Variants in PLXDC2 observed in about 807,000 individuals in gnomAD.
The protein encoded by PLXDC2 is plexin domain containing 2.
In PLXDC2, 40 loss-of-function variants were observed where a neutral mutation model predicts 68.9. That is an observed-to-expected ratio of 0.58 (90% CI 0.45 to 0.76). The LOEUF is 0.76. PLXDC2 is among the 30% of genes least tolerant of loss of function. The pLI is 0.00. For missense variants in PLXDC2, 644 were observed against 661.9 expected (o/e 0.97, Z 0.30); for synonymous variants, 243 against 234.2 (o/e 1.04, Z -0.34).
At chr10:19,996,093 G>T (rs1040998678) in intron 1 of PLXDC2, among the ~76,000 whole-genome samples, 1 of 152,066 alleles carries the variant, frequency 6.6e-6, no homozygotes, top group East Asian at 1.9e-4. Context: ...AATTTGTAAG[G>T]TGTCTCTGGT....
rs566182039 is a variant in PLXDC2, at chr10:19,867,895, A to G, written c.112+50704A>G. ...AGGAGAGCCTCTCTGAAATTTGGTTATTTGTTGTCAACATTAATAAATACA... is the reference window on the plus strand; with the variant it reads ...AGGAGAGCCTCTCTGAAATTTGGTTGTTTGTTGTCAACATTAATAAATACA... On this transcript the variant is annotated intron_variant, in intron 1 of 13. Transcript: ENST00000377252. Among the ~76,000 whole-genome samples the G allele has an allele frequency of 2.0e-5, 3 of 152,290 alleles. No homozygotes were observed. The East Asian group carries it at 5.8e-4, about 29-fold the overall frequency.
At chr10:20,169,593 T>C (rs1834419563) in intron 7 of PLXDC2, among the ~76,000 whole-genome samples, 1 of 152,194 alleles carries the variant, frequency 6.6e-6, no homozygotes, top group South Asian at 2.1e-4. Context: ...TGTAACATTT[T>C]GAATTTCAAT....
intron 7 of PLXDC2, among the ~76,000 whole-genome samples, chr10:20,171,698 A>G (rs997473016): frequency 6.6e-6 from 1 of 152,180 alleles, no homozygotes; most frequent in African/African-American, 2.4e-5. Flanking sequence ...ATTTTTATGA[A>G]CAGGGAAGGC....
chr10:19,866,955 G>C (rs935023413), intron 1 of PLXDC2, among the ~76,000 whole-genome samples: 1 of 151,860 alleles, frequency 6.6e-6, no homozygotes, highest in African/African-American at 2.4e-5. Flanking sequence ...GGGGTCAGCA[G>C]AAAAGAATAT....
chr10:20,278,992 T>C (rs1031058682), intron 13 of PLXDC2, among the ~76,000 whole-genome samples: 2 of 152,160 alleles, frequency 1.3e-5, no homozygotes, highest in African/African-American at 4.8e-5. Flanking sequence ...GAAGAAATGC[T>C]CTCTTTTTGT....
At chr10:20,014,415 CTTCCTTCCTTCCTTCT>C (rs1564657070) in intron 2 of PLXDC2, among the ~76,000 whole-genome samples, 3 of 105,972 alleles carry the variant, frequency 2.8e-5, no homozygotes, top group Admixed American at 1.0e-4. Context: ...TCCTTCCTTC[CTTCCTTCCTTCCTTCT>C]TTCCTTCCTT....
At chr10:19,868,374 C>A (rs1448495614) in intron 1 of PLXDC2, among the ~76,000 whole-genome samples, 1 of 152,110 alleles carries the variant, frequency 6.6e-6, no homozygotes, top group Non-Finnish European at 1.5e-5. Flanking sequence ...GATTTGGAAG[C>A]TTAGTCTAGT....
At chr10:19,963,530 C>G (rs1319777398) in intron 1 of PLXDC2, among the ~76,000 whole-genome samples, 2 of 152,124 alleles carry the variant, frequency 1.3e-5, no homozygotes, top group Admixed American at 6.5e-5. Flanking sequence ...AATTCATGTC[C>G]TTTGTAGGGG....
intron 12 of PLXDC2, among the ~76,000 whole-genome samples, chr10:20,238,864 G>A (rs2119322344): frequency 6.6e-6 from 1 of 151,092 alleles, no homozygotes. Flanking sequence ...ATATTGATCT[G>A]CATTTCATAA....
chr10:19,911,205 C>G (rs1211179793), intron 1 of PLXDC2, among the ~76,000 whole-genome samples: 1 of 151,590 alleles, frequency 6.6e-6, no homozygotes, highest in African/African-American at 2.4e-5. Flanking sequence ...AGTGTGTATG[C>G]TCAAAAACTA....
chr10:19,939,019 G>A (rs898600684), intron 1 of PLXDC2, among the ~76,000 whole-genome samples: 1 of 152,202 alleles, frequency 6.6e-6, no homozygotes, highest in African/African-American at 2.4e-5. Flanking sequence ...GAACTTCAGA[G>A]CCAGTTGTAT....
At chr10:20,240,952 A>G (rs1835508066) in intron 12 of PLXDC2, among the ~76,000 whole-genome samples, 1 of 152,164 alleles carries the variant, frequency 6.6e-6, no homozygotes, top group South Asian at 2.1e-4. Flanking sequence ...AGATCTCTAA[A>G]TATTTATTTT....
rs138710786 is a variant in PLXDC2, at chr10:20,223,399, G to A, written c.1312+4297G>A. On this transcript the variant is annotated intron_variant, in intron 12 of 13. Transcript: ENST00000377252. ...GCGAACTTGGCTCACTGCAGCCTCT[G>A]CCTCCTGGGTTCAAGCGATTCTCCT... is the stretch of plus-strand genomic sequence containing the variant. 9.9e-4 allele frequency among the ~76,000 whole-genome samples: 146 copies of A among 147,050 alleles called. 1 individual carries two copies. Among genetic ancestry groups the A allele is most frequent in the African/African-American group, 3.6e-3 (144 of 39,842 alleles).
In PLXDC2 at chr10:20,266,317, A is replaced by T. The variant is rs371338728; in HGVS notation, c.1474-13386A>T. Among the ~76,000 whole-genome samples the T allele has an allele frequency of 4.6e-5, 7 of 152,122 alleles. No individual in the cohort carries two copies. In the South Asian group the frequency reaches 8.3e-4, roughly 18 times the overall value. ...TCAAAGGCAGATTAAGATTATCAAT[A>T]TATTTATAGTGACTAACCCAAATGT... On this transcript the variant is annotated intron_variant, in intron 13 of 13. Coordinates refer to ENST00000377252, the MANE Select transcript of PLXDC2 (RefSeq NM_032812.9).
Position 20,052,663 on chromosome 10 carries a change from T to A in PLXDC2, c.471+5648T>A, listed in dbSNP as rs1835923267. On this transcript the variant is annotated intron_variant, in intron 3 of 13. Coordinates refer to ENST00000377252, the MANE Select transcript of PLXDC2 (RefSeq NM_032812.9). ...GGGGAAGAAGGGAGTTTCTCGAATC[T>A]TATCAGCAGTTCATGTAATTTGCAT... 2.0e-5 allele frequency among the ~76,000 whole-genome samples: 3 copies of A among 149,822 alleles called. No individual in the cohort carries two copies. The South Asian group carries it at 6.3e-4, about 31-fold the overall frequency.
At chr10:20,126,489 C>A (rs1233135052) in intron 4 of PLXDC2, among the ~76,000 whole-genome samples, 1 of 44,988 alleles carries the variant, frequency 2.2e-5, no homozygotes, top group Non-Finnish European at 5.9e-5. Context: ...ATATAACACA[C>A]ACGTTATATA....
intron 4 of PLXDC2, among the ~76,000 whole-genome samples, chr10:20,094,834 C>T (rs186587068): frequency 2.6e-5 from 4 of 152,240 alleles, no homozygotes; most frequent in East Asian, 3.9e-4. Context: ...GTCATGCTAA[C>T]GAACTGCAAG....
At chr10:20,226,909 A>G (rs527945350) in intron 12 of PLXDC2, among the ~76,000 whole-genome samples, 105 of 151,834 alleles carry the variant, frequency 6.9e-4, no homozygotes, top group Non-Finnish European at 1.3e-3. Context: ...AGAAACTTCC[A>G]TATACCATTA....
chr10:20,069,138 G>A (rs750447229), intron 4 of PLXDC2, among the ~76,000 whole-genome samples: 3 of 152,072 alleles, frequency 2.0e-5, no homozygotes, highest in Non-Finnish European at 4.4e-5. Flanking sequence ...GGATGGTGTG[G>A]AGACCATGTT....
Sources: allele counts gnomAD v4.1 joint callset (sites outside exome capture counted in the v4.1 genomes callset), GRCh38; gene constraint gnomAD v4.1.1; transcripts MANE v1.5; gene names NCBI Gene and HGNC (gene_info 2026-07-23, HGNC 2026-07-21).